The following GLG1 variants were observed in gnomAD, a reference collection of about 807,000 sequenced individuals.
GLG1 encodes Golgi apparatus protein 1.
In GLG1, 38 loss-of-function variants were observed where a neutral mutation model predicts 160.5. The ratio of observed to expected loss-of-function variants is 0.24; its 90% confidence interval spans 0.18 to 0.31. The LOEUF is 0.31. Among genes scored for constraint, GLG1 ranks in the 10% least tolerant of loss-of-function variants. The pLI, the probability that GLG1 is intolerant of heterozygous loss-of-function variation, is 1.00. For missense variants in GLG1, 1,373 were observed against 1,505.2 expected, an observed-to-expected ratio of 0.91 and a Z score of 1.45; for synonymous variants, 644 against 543.4, an observed-to-expected ratio of 1.19 and a Z score of -2.57.
intron 1 of GLG1, among the ~76,000 whole-genome samples, chr16:74,577,016 G>A (rs1040920288): frequency 1.3e-5 from 2 of 151,588 alleles, no homozygotes; most frequent in Admixed American, 1.3e-4. Flanking sequence ...CAACTTCTTG[G>A]GCTCAAACAA....
At position 74,529,812 on chromosome 16, in the gene GLG1, C is replaced by CTT. The variant is rs1178684020; in HGVS notation, c.471+2307_471+2308dup. On this transcript the variant is annotated intron_variant, in intron 2 of 25. Coordinates refer to ENST00000422840, the MANE Select transcript of GLG1 (RefSeq NM_001145667.2). ...CCTATTCCTTGGCTCTTTGAGAGTT[C>CTT]TTTTTTTTTTTTTTTTTTTTTTGTG... is the stretch of plus-strand genomic sequence containing the variant. 9.9e-3 allele frequency among the ~76,000 whole-genome samples: 1,139 copies of CTT among 115,544 alleles called. 1 individual carries two copies. Among genetic ancestry groups the CTT allele is most frequent in the Non-Finnish European group, 0.013 (736 of 58,730 alleles). 75.8% of individuals were successfully genotyped at this position (115,544 alleles called of 152,430 possible).
intron 1 of GLG1, among the ~76,000 whole-genome samples, chr16:74,556,598 T>G (rs2018360245): frequency 6.6e-6 from 1 of 152,018 alleles, no homozygotes. Context: ...GTGTGAGGAA[T>G]GCTTAAGCCT....
intron 1 of GLG1, among the ~76,000 whole-genome samples, chr16:74,559,488 G>T (rs971637389): frequency 6.6e-6 from 1 of 151,556 alleles, no homozygotes; most frequent in South Asian, 2.1e-4. Context: ...GCGATGGGGG[G>T]GCAGGGGACA....
chr16:74,535,830 G>C (rs951393703), intron 1 of GLG1, among the ~76,000 whole-genome samples: 3 of 152,144 alleles, frequency 2.0e-5, no homozygotes, highest in Non-Finnish European at 2.9e-5. Context: ...TGAGATTCAT[G>C]GAACCAAATC....
At chr16:74,467,726 T>C (rs1489338700) in intron 18 of GLG1, 30 bp downstream of exon 18, 4 of 1,357,642 alleles carry the variant, frequency 2.9e-6, no homozygotes, top group Non-Finnish European at 4.2e-6. Flanking sequence ...ACATTACTTT[T>C]ACAATTACAA....
At chr16:74,544,789 C>A (rs111903307) in intron 1 of GLG1, among the ~76,000 whole-genome samples, 214 of 152,112 alleles carry the variant, frequency 1.4e-3, no homozygotes, top group African/African-American at 2.0e-3. Flanking sequence ...TGTGAGCCAC[C>A]GCGCCCGGCC....
intron 1 of GLG1, among the ~76,000 whole-genome samples, chr16:74,566,674 T>C (rs1299063528): frequency 6.6e-6 from 1 of 152,208 alleles, no homozygotes; most frequent in Middle Eastern, 3.2e-3. Context: ...TATCCTTTAG[T>C]CATACTATTA....
At chr16:74,529,127 C>CGATTTTTT (rs2017445014) in intron 2 of GLG1, among the ~76,000 whole-genome samples, 1 of 151,854 alleles carries the variant, frequency 6.6e-6, no homozygotes, top group South Asian at 2.1e-4. Context: ...CCACCACACC[C>CGATTTTTT]AGCTGATTTT....
chr16:74,535,208 CAAATA>C (rs2017656205), intron 1 of GLG1, among the ~76,000 whole-genome samples: 1 of 152,236 alleles, frequency 6.6e-6, no homozygotes, highest in East Asian at 1.9e-4. Context: ...ATCTATCAAA[CAAATA>C]AAATAAAAAT....
chr16:74,538,476 G>A (rs3096397), intron 1 of GLG1, among the ~76,000 whole-genome samples: 1 of 152,008 alleles, frequency 6.6e-6, no homozygotes, highest in Non-Finnish European at 1.5e-5. Context: ...ATGCAATCTC[G>A]ATCCTCAGGT....
intron 1 of GLG1, among the ~76,000 whole-genome samples, chr16:74,574,747 G>C (rs1299583720): frequency 6.6e-6 from 1 of 151,292 alleles, no homozygotes; most frequent in Admixed American, 6.6e-5. Flanking sequence ...AGCTGAGCAT[G>C]GTGGTGCACA....
chr16:74,560,060 G>C lies in GLG1; in HGVS notation c.439-27907C>G, dbSNP rs2018465178. The stretch of plus-strand genomic sequence containing the variant: ...GTACTAGGTATTTTATGAGGATGAT[G>C]GTTAATTTTTTGTGTCAACTTCACT... On this transcript the variant is annotated intron_variant, in intron 1 of 25. Coordinates refer to ENST00000422840, the MANE Select transcript of GLG1 (RefSeq NM_001145667.2). Among the ~76,000 whole-genome samples the C allele has an allele frequency of 2.0e-5, 3 of 152,110 alleles. No individual in the cohort carries two copies. In the South Asian group the frequency reaches 6.2e-4, roughly 32 times the overall value.
intron 1 of GLG1, among the ~76,000 whole-genome samples, chr16:74,598,945 T>A (rs1958372486): frequency 6.6e-6 from 1 of 151,792 alleles, no homozygotes. Context: ...GAGATTTTTG[T>A]TATTGTTCCT....
chr16:74,566,266 G>C (rs1357428292), intron 1 of GLG1, among the ~76,000 whole-genome samples: 1 of 152,142 alleles, frequency 6.6e-6, no homozygotes, highest in East Asian at 1.9e-4. Flanking sequence ...GAAATGCAGA[G>C]GCCCACCTCC....
intron 3 of GLG1, among the ~76,000 whole-genome samples, chr16:74,506,581 C>CTAAAAAAA (rs2016613473): frequency 2.6e-5 from 1 of 39,048 alleles, no homozygotes; most frequent in Non-Finnish European, 4.2e-5. Context: ...GACTCCGTCT[C>CTAAAAAAA]AAAAAAAAAA....
chr16:74,463,293 T>C (rs1490127708), intron 20 of GLG1, 63 bp downstream of exon 20: 18 of 1,549,182 alleles, frequency 1.2e-5, no homozygotes, highest in Non-Finnish European at 1.5e-5. Flanking sequence ...CAGGTCACTC[T>C]ACAGCCACTG....
chr16:74,484,804 C>T (rs186163712), intron 9 of GLG1, among the ~76,000 whole-genome samples: 203 of 152,078 alleles, frequency 1.3e-3, no homozygotes, highest in African/African-American at 4.5e-3. Context: ...TTAGTAGAGA[C>T]GGGGTTTCTC....
intron 1 of GLG1, among the ~76,000 whole-genome samples, chr16:74,566,441 CT>C (rs946469548): frequency 4.6e-5 from 7 of 152,182 alleles, no homozygotes; most frequent in Non-Finnish European, 1.0e-4. Context: ...CCCAGTGAAA[CT>C]TTTGGTTTAT....
In GLG1 at chr16:74,510,824, T is replaced by C. The variant is rs188789655; in HGVS notation, c.472-1899A>G. ...AATGGCAGGGAGTATGATCAAGTAA[T>C]TGGCTAATGGCATCACTGGGTACCA... is the stretch of plus-strand genomic sequence containing the variant. On this transcript the variant is annotated intron_variant, in intron 2 of 25. Transcript: ENST00000422840. Among the ~76,000 whole-genome samples the C allele has an allele frequency of 2.6e-5, 4 of 152,236 alleles. No homozygotes were observed. The South Asian group carries it at 6.2e-4, about 24-fold the overall frequency.
Sources: gnomAD v4.1 joint callset for allele counts (sites outside exome capture counted in the v4.1 genomes callset) on GRCh38, gnomAD v4.1.1 for gene constraint, MANE v1.5 for transcripts, NCBI Gene and HGNC (gene_info 2026-07-23, HGNC 2026-07-21) for gene names.